MTPAP: variants seen among roughly 807,000 people sequenced by gnomAD.
The protein encoded by MTPAP is mitochondrial poly(A) polymerase.
In MTPAP, 23 loss-of-function variants were observed where a neutral mutation model predicts 48.7. The ratio of observed to expected loss-of-function variants is 0.47; its 90% confidence interval spans 0.34 to 0.67. MTPAP has a LOEUF of 0.67. Ranked by LOEUF, MTPAP falls within the 30% of genes least tolerant of loss-of-function variation. The probability of loss-of-function intolerance (pLI) is 0.01; values close to 1 mark genes in which losing one functional copy is unlikely to be tolerated. For synonymous variants in MTPAP, 257 were observed against 254.1 expected (o/e 1.01, Z -0.11); for missense variants, 614 against 694.3 (o/e 0.88, Z 1.30).
chr10:30,333,584 A>G (rs1169906751), intron 4 of MTPAP, among the ~76,000 whole-genome samples: 1 of 152,214 alleles, frequency 6.6e-6, no homozygotes, highest in Non-Finnish European at 1.5e-5. Context: ...GGAACTTAAT[A>G]TATTTTCAAG....
chr10:30,349,267 A>G lies in MTPAP; in HGVS notation c.9T>C (p.Val3=). The part of the protein sequence containing the change: MA[V]PGVGLLTRLN... ...AACGGGTCAAGAGCCCCACGCCGGGAACCGCCATTGCTAAAAAAAAAAAAA... is the reference window on the plus strand; with the variant it reads ...AACGGGTCAAGAGCCCCACGCCGGGGACCGCCATTGCTAAAAAAAAAAAAA... Residue 3 remains valine, a synonymous_variant, in exon 1 of 9, where the codon GTT becomes GTC. Coordinates refer to ENST00000263063, the MANE Select transcript of MTPAP (RefSeq NM_018109.4). 6.8e-7 allele frequency: 1 copy of G among 1,479,538 alleles called. No homozygotes were observed. Among genetic ancestry groups the G allele is most frequent in the Admixed American group, 1.8e-5 (1 of 54,432 alleles). The allele number at this position is 1,479,538 out of a possible 1,614,324, so 91.7% of individuals were successfully genotyped here.
chr10:30,336,509 C>T (rs984762907), intron 4 of MTPAP, among the ~76,000 whole-genome samples: 1 of 152,012 alleles, frequency 6.6e-6, no homozygotes, highest in African/African-American at 2.4e-5. Context: ...AGTTAAGATA[C>T]ATAATTTGAA....
chr10:30,332,119 T>C (rs1293814311), intron 4 of MTPAP, among the ~76,000 whole-genome samples: 4 of 152,244 alleles, frequency 2.6e-5, no homozygotes, highest in Non-Finnish European at 5.9e-5. Context: ...TTTATGAATC[T>C]GATGAATGTA....
Position 30,310,807 on chromosome 10 carries a change from G to C in MTPAP, c.*2802C>G, listed in dbSNP as rs1336191723. The C allele has an allele frequency of 6.6e-6, 1 of 151,612 alleles. No homozygotes were observed. Among genetic ancestry groups the C allele is most frequent in the African/African-American group, 2.4e-5 (1 of 41,154 alleles). The allele number at this position is 151,612 out of a possible 1,614,324, so 9.4% of individuals were successfully genotyped here. On this transcript the variant is annotated 3_prime_UTR_variant, in exon 9 of 9. Coordinates refer to ENST00000263063, the MANE Select transcript of MTPAP (RefSeq NM_018109.4). ...CCAGTTACTTGGGAGGCTGGGGCAG[G>C]AGTATCGCTTGAACCCAGGAGGCAG...
intron 4 of MTPAP, among the ~76,000 whole-genome samples, chr10:30,329,170 C>T (rs944410693): frequency 2.0e-5 from 3 of 151,920 alleles, no homozygotes; most frequent in African/African-American, 7.2e-5. Flanking sequence ...ATAGCTTGAA[C>T]CCAGGAGGCC....
In MTPAP at chr10:30,322,491, T is replaced by G. The variant is rs762613462; in HGVS notation, c.1119A>C (p.Ala373=). 1 of 1,613,626 alleles carries G rather than the reference T, an allele frequency of 6.2e-7. No individual in the cohort carries two copies. The highest frequency in any genetic ancestry group is 1.3e-5 in the African/African-American group (1 of 74,918). Residue 373 remains alanine (A), a synonymous_variant, in exon 6 of 9, where the codon GCA becomes GCC. Coordinates refer to ENST00000263063, the MANE Select transcript of MTPAP (RefSeq NM_018109.4). ...TTGTAAGGGAGAAATTTGTAATCCA[T>G]GCACCAGGAATACTACTTGTTAGTG... ...AHSLTSSIPG[A]WITNFSLTMM... is the part of the protein sequence containing the mutation.
intron 6 of MTPAP, 43 bp from the exon 7 acceptor site, chr10:30,316,253 C>A (rs778184051): frequency 7.5e-7 from 1 of 1,327,686 alleles, no homozygotes; most frequent in Non-Finnish European, 1.1e-6. Context: ...TTTTTTTTTT[C>A]TTTGCCTGAG....
At chr10:30,319,588 T>C (rs1177010492) in intron 6 of MTPAP, among the ~76,000 whole-genome samples, 1 of 152,068 alleles carries the variant, frequency 6.6e-6, no homozygotes, top group East Asian at 1.9e-4. Flanking sequence ...AATTAGAAAG[T>C]ATAAAAACCA....
chr10:30,334,390 G>A (rs536178919), intron 4 of MTPAP, among the ~76,000 whole-genome samples: 4 of 152,294 alleles, frequency 2.6e-5, no homozygotes, highest in African/African-American at 9.6e-5. Context: ...GCCGGGCATG[G>A]TGGCTCAAGC....
intron 1 of MTPAP, among the ~76,000 whole-genome samples, chr10:30,345,919 G>A (rs1304753311): frequency 2.6e-5 from 4 of 151,844 alleles, no homozygotes; most frequent in African/African-American, 4.8e-5. Flanking sequence ...GTGGTAACGC[G>A]TGCCTGTAAT....
chr10:30,349,001 C>T, intron 1 of MTPAP, 118 bp downstream of exon 1: 1 of 1,463,596 alleles, frequency 6.8e-7, no homozygotes, highest in Non-Finnish European at 9.5e-7. Flanking sequence ...GGACAGGACA[C>T]AGCCCCACCC....
intron 5 of MTPAP, among the ~76,000 whole-genome samples, chr10:30,325,744 C>T (rs1427338878): frequency 1.3e-5 from 2 of 151,850 alleles, no homozygotes; most frequent in Non-Finnish European, 1.5e-5. Context: ...AGTAAGACTC[C>T]GTCTCAAAAG....
rs1421459157 is a variant in MTPAP at position 30,312,730 on chromosome 10, C to T, written c.*879G>A. Reference sequence around the variant, plus strand: ...GGGTGTACGTGGATGGTCCTGGAACCAATTTTCTGCATATACTGAGAGACA... The same window carrying T: ...GGGTGTACGTGGATGGTCCTGGAACTAATTTTCTGCATATACTGAGAGACA... On this transcript the variant is annotated 3_prime_UTR_variant, in exon 9 of 9. Coordinates refer to ENST00000263063, the MANE Select transcript of MTPAP (RefSeq NM_018109.4). 1 of 152,014 alleles carries T rather than the reference C, an allele frequency of 6.6e-6. No individual in the cohort carries two copies. Among genetic ancestry groups the T allele is most frequent in the African/African-American group, 2.4e-5 (1 of 41,374 alleles). The allele number at this position is 152,014 out of a possible 1,614,324, so 9.4% of individuals were successfully genotyped here.
chr10:30,338,197 C>T (rs1241720967), intron 3 of MTPAP, among the ~76,000 whole-genome samples: 4 of 152,040 alleles, frequency 2.6e-5, no homozygotes, highest in Non-Finnish European at 5.9e-5. Flanking sequence ...GAGTATGCAG[C>T]TACAGTGAGC....
chr10:30,329,907 T>C (rs574143068), intron 4 of MTPAP, among the ~76,000 whole-genome samples: 75 of 146,394 alleles, frequency 5.1e-4, no homozygotes, highest in African/African-American at 1.7e-3. Context: ...ACACTACTAA[T>C]GGGGGAAAAA....
chr10:30,317,374 A>G (rs1246360101), intron 6 of MTPAP, among the ~76,000 whole-genome samples: 2 of 152,234 alleles, frequency 1.3e-5, no homozygotes, highest in Non-Finnish European at 2.9e-5. Context: ...AAAAAGCTTC[A>G]GGTAATTTCT....
At chr10:30,346,881 G>A (rs1834879362) in intron 1 of MTPAP, among the ~76,000 whole-genome samples, 1 of 152,120 alleles carries the variant, frequency 6.6e-6, no homozygotes, top group Admixed American at 6.5e-5. Flanking sequence ...ATGTGAACGT[G>A]GAGCTGCTGG....
chr10:30,325,776 A>G (rs1025667754), intron 5 of MTPAP, among the ~76,000 whole-genome samples: 3 of 146,884 alleles, frequency 2.0e-5, no homozygotes, highest in African/African-American at 5.1e-5. Flanking sequence ...AAAAAATGAA[A>G]TAAAGAAATT....
At chr10:30,341,338 AAAG>A in intron 2 of MTPAP, 127 bp downstream of exon 2, 3 of 1,166,142 alleles carry the variant, frequency 2.6e-6, no homozygotes, top group Non-Finnish European at 3.5e-6. Flanking sequence ...AAATCTAGAT[AAAG>A]AAGATGCAGT....
Sources: allele counts gnomAD v4.1 joint callset (sites outside exome capture counted in the v4.1 genomes callset), GRCh38; gene constraint gnomAD v4.1.1; transcripts MANE v1.5; gene names NCBI Gene and HGNC (gene_info 2026-07-23, HGNC 2026-07-21).